The following EML1 variants were observed in gnomAD, a reference collection of about 807,000 sequenced individuals.
EML1 encodes the protein EMAP like 1, also known as echinoderm microtubule-associated protein-like 1.
EML1 carries 27 observed loss-of-function variants against 110.4 expected under a neutral mutation model. The observed-to-expected ratio is 0.24, with a 90% CI of 0.18 to 0.34. The LOEUF is 0.34. Among genes scored for constraint, EML1 ranks in the 10% least tolerant of loss-of-function variants. EML1 has a pLI of 1.00. For synonymous variants in EML1, 344 were observed against 385.8 expected, an observed-to-expected ratio of 0.89 and a Z score of 1.27; for missense variants, 741 against 1,030.9, an observed-to-expected ratio of 0.72 and a Z score of 3.85.
At chr14:99,775,630 C>T (rs779809264) in intron 1 of EML1, among the ~76,000 whole-genome samples, 5 of 152,180 alleles carry the variant, frequency 3.3e-5, no homozygotes, top group Non-Finnish European at 4.4e-5. Flanking sequence ...CAGCAGGGAG[C>T]CCAGGGGCTT....
intron 1 of EML1, among the ~76,000 whole-genome samples, chr14:99,832,386 T>C (rs778467468): frequency 6.6e-5 from 10 of 152,200 alleles, no homozygotes; most frequent in Admixed American, 5.9e-4. Context: ...CTTTCATTTC[T>C]CTTGGGGAAA....
chr14:99,925,444 G>A (rs984476246), intron 17 of EML1, among the ~76,000 whole-genome samples: 10 of 151,866 alleles, frequency 6.6e-5, no homozygotes, highest in African/African-American at 2.4e-4. Flanking sequence ...TAGAGACAGG[G>A]TATTCCTATG....
chr14:99,762,717 T>G (rs1400068919), intron 1 of EML1, among the ~76,000 whole-genome samples: 2 of 152,146 alleles, frequency 1.3e-5, no homozygotes, highest in Non-Finnish European at 2.9e-5. Context: ...GAGGTTCACT[T>G]GAGCCTGAGA....
rs1482767573 is a variant in EML1 at position 99,940,857 on chromosome 14, T to G, written c.*745T>G. The stretch of plus-strand genomic sequence containing the variant: ...CCATCCCTTGTTCACACGCCCTGAT[T>G]CACGGTGAGACATTTTGCCACCTTC... On this transcript the variant is annotated 3_prime_UTR_variant, in exon 22 of 22. Transcript: ENST00000262233. 1 of 152,248 alleles carries G rather than the reference T, an allele frequency of 6.6e-6. No individual in the cohort carries two copies. Among genetic ancestry groups the G allele is most frequent in the Non-Finnish European group, 1.5e-5 (1 of 68,040 alleles). 9.4% of individuals were successfully genotyped at this position (152,248 alleles called of 1,614,324 possible).
At chr14:99,778,531 C>G (rs1471503818) in intron 1 of EML1, among the ~76,000 whole-genome samples, 1 of 152,178 alleles carries the variant, frequency 6.6e-6, no homozygotes, top group Non-Finnish European at 1.5e-5. Context: ...TACTGTCCAT[C>G]CACTTCCTGC....
chr14:99,779,513 C>G (rs187867708), intron 1 of EML1, among the ~76,000 whole-genome samples: 1 of 152,280 alleles, frequency 6.6e-6, no homozygotes, highest in African/African-American at 2.4e-5. Context: ...GCTCTCCATT[C>G]AAGTCTTAGA....
intron 17 of EML1, among the ~76,000 whole-genome samples, chr14:99,933,456 G>A (rs1490313737): frequency 1.3e-5 from 2 of 152,222 alleles, no homozygotes; most frequent in African/African-American, 2.4e-5. Flanking sequence ...GATTAGAAGC[G>A]TGAGCCACTG....
At chr14:99,751,954 G>T (rs555107482) in intron 1 of EML1, among the ~76,000 whole-genome samples, 1 of 152,160 alleles carries the variant, frequency 6.6e-6, no homozygotes, top group Non-Finnish European at 1.5e-5. Context: ...CGGGCACGTG[G>T]CAGCAGGAGG....
At position 99,939,637 on chromosome 14, in the gene EML1, C is replaced by T. The variant is rs891543749; in HGVS notation, c.2322+310C>T. On this transcript the variant is annotated intron_variant, in intron 21 of 21. Coordinates refer to ENST00000262233, the MANE Select transcript of EML1 (RefSeq NM_004434.3). The surrounding 1 kb of genome is among the most constrained non-coding windows in gnomAD (Gnocchi z 4.2). ...GCGCCAGCCCTGAGCCCTGGGACGC[C>T]CTTCTTCATCCTCCGTGATCCTGAC... Among the ~76,000 whole-genome samples the T allele has an allele frequency of 1.3e-5, 2 of 152,168 alleles. No homozygotes were observed. Among genetic ancestry groups the T allele is most frequent in the Admixed American group, 1.3e-4 (2 of 15,278 alleles).
chr14:99,832,609 A>G (rs764313155), intron 1 of EML1, among the ~76,000 whole-genome samples: 27 of 152,262 alleles, frequency 1.8e-4, no homozygotes, highest in Non-Finnish European at 3.4e-4. Flanking sequence ...GCATTTCCCT[A>G]ATGACTAATG....
chr14:99,787,082 G>C (rs1595279268), intron 1 of EML1, among the ~76,000 whole-genome samples: 1 of 152,152 alleles, frequency 6.6e-6, no homozygotes, highest in Non-Finnish European at 1.5e-5. Flanking sequence ...TTGTAGAAGG[G>C]ACAGCTGCAT....
In EML1 at chr14:99,764,315, G is replaced by T. The variant is rs142041893; in HGVS notation, c.28+26455G>T. On this transcript the variant is annotated intron_variant, in intron 1 of 10. Coordinates refer to the EML1 transcript ENST00000554479. ...CAGCCCTGCAATTTTACAGATGAGG[G>T]AAGTGCGGCTCAGAGAGGCTAAGCG... 8.5e-3 allele frequency among the ~76,000 whole-genome samples: 1,290 copies of T among 152,326 alleles called. 8 individuals are homozygous for T. Among genetic ancestry groups the T allele is most frequent in the Middle Eastern group, 0.027 (8 of 294 alleles).
intron 4 of EML1, among the ~76,000 whole-genome samples, chr14:99,883,066 G>A (rs1012765271): frequency 2.0e-5 from 3 of 152,246 alleles, no homozygotes; most frequent in South Asian, 2.1e-4. Flanking sequence ...CATCACTGCT[G>A]CCGTCGGCTC....
intron 1 of EML1, among the ~76,000 whole-genome samples, chr14:99,832,282 A>G (rs1454819818): frequency 1.3e-5 from 2 of 152,190 alleles, no homozygotes; most frequent in African/African-American, 4.8e-5. Flanking sequence ...GTTGATGGAC[A>G]TTTGGGCTGT....
chr14:99,793,347 G>GGCA (rs1211100702), upstream of EML1: 1 of 985,486 alleles, frequency 1.0e-6, no homozygotes, highest in African/African-American at 1.8e-5. Context: ...CATGGTAACC[G>GGCA]GCAGCAGCAG....
chr14:99,913,910 C>T (rs1227499568), intron 13 of EML1, among the ~76,000 whole-genome samples: 1 of 151,988 alleles, frequency 6.6e-6, no homozygotes, highest in Non-Finnish European at 1.5e-5. Flanking sequence ...GGCTGGTCTC[C>T]AACTCCTGAC....
intron 1 of EML1, among the ~76,000 whole-genome samples, chr14:99,811,445 G>C (rs1346263524): frequency 6.6e-6 from 1 of 151,446 alleles, no homozygotes; most frequent in African/African-American, 2.4e-5. Context: ...CACATATTTT[G>C]TATGTTATAT....
At chr14:99,799,690 A>C (rs149532193) in intron 1 of EML1, among the ~76,000 whole-genome samples, 1 of 152,234 alleles carries the variant, frequency 6.6e-6, no homozygotes, top group Non-Finnish European at 1.5e-5. Flanking sequence ...AAAAATCACA[A>C]AACTGTGCTT....
Position 99,786,061 on chromosome 14 carries a change from C to CAAA in EML1, c.-27+12068_-27+12070dup, listed in dbSNP as rs56240053. 3.0e-3 allele frequency among the ~76,000 whole-genome samples: 363 copies of CAAA among 120,342 alleles called. 1 individual carries two copies. Among genetic ancestry groups the CAAA allele is most frequent in the African/African-American group, 0.01 (346 of 33,326 alleles). The allele number at this position is 120,342 out of a possible 152,430, so 78.9% of individuals were successfully genotyped here. A position where few individuals can be genotyped will look rare whatever the true frequency, so the allele number is the denominator to read the frequency against. On this transcript the variant is annotated intron_variant, in intron 1 of 22. Coordinates refer to the EML1 transcript ENST00000327921. ...GCCTACAGTCCACACCCTGGCTGCT[C>CAAA]AAAAAAAAAAAAAAAAAAAAAATCA...
Sources: gnomAD v4.1 joint callset for allele counts (sites outside exome capture counted in the v4.1 genomes callset) on GRCh38, gnomAD v4.1.1 for gene constraint, Gnocchi (gnomAD v3.1) non-coding constraint, MANE v1.5 for transcripts, NCBI Gene and HGNC (gene_info 2026-07-23, HGNC 2026-07-21) for gene names.